VWA3B: variants seen among roughly 807,000 people sequenced by gnomAD.
VWA3B encodes the protein von Willebrand factor A domain containing 3B.
Under a neutral mutation model 158.3 loss-of-function variants are expected in VWA3B, and 138 were observed. The observed-to-expected ratio is 0.87, with a 90% confidence interval of 0.76 to 1.00. The LOEUF is 1.00. Ranked by LOEUF, VWA3B falls within the 50% of genes least tolerant of loss-of-function variation. The pLI is 0.00. For synonymous variants in VWA3B, 596 were observed against 587.3 expected (o/e 1.01, Z -0.21); for missense variants, 1,555 against 1,565.1 (o/e 0.99, Z 0.11).
At chr2:98,257,434 G>A (rs1367907969) in intron 21 of VWA3B, among the ~76,000 whole-genome samples, 1 of 152,038 alleles carries the variant, frequency 6.6e-6, no homozygotes, top group Non-Finnish European at 1.5e-5. Flanking sequence ...GGGTGCAGGT[G>A]TCCCTATGAT....
At chr2:98,255,163 G>A (rs1276228488) in intron 20 of VWA3B, among the ~76,000 whole-genome samples, 13 of 132,682 alleles carry the variant, frequency 9.8e-5, no homozygotes, top group Admixed American at 3.2e-4. Context: ...ACAGTCGCCC[G>A]CCACCACGCC....
intron 7 of VWA3B, among the ~76,000 whole-genome samples, chr2:98,137,479 A>G (rs1676375151): frequency 6.6e-6 from 1 of 152,238 alleles, no homozygotes. Flanking sequence ...AAAATCCATG[A>G]TGATGAAAAT....
rs142950410 is a variant in VWA3B, at chr2:98,287,331, A to G, written c.3046-3180A>G. Among the ~76,000 whole-genome samples the G allele has an allele frequency of 5.7e-3, 863 of 152,092 alleles. 4 individuals carry two copies. The highest frequency in any genetic ancestry group is 0.019 in the African/African-American group (769 of 41,470). ...TATCTTCTTTTCCGACCCTTTTACC[A>G]CTACATGTTTGCTTTTCAGAATCCT... On this transcript the variant is annotated intron_variant, in intron 22 of 27. Transcript: ENST00000477737.
chr2:98,187,300 G>A (rs1681155683), intron 9 of VWA3B, among the ~76,000 whole-genome samples: 1 of 152,176 alleles, frequency 6.6e-6, no homozygotes, highest in Non-Finnish European at 1.5e-5. Flanking sequence ...CATGAAGGCA[G>A]GGGTTTGGTC....
At chr2:98,221,956 C>A (rs1558692409) in intron 14 of VWA3B, among the ~76,000 whole-genome samples, 1 of 152,312 alleles carries the variant, frequency 6.6e-6, no homozygotes, top group East Asian at 1.9e-4. Flanking sequence ...AAGAAGCAAG[C>A]TGGGGAAAGG....
chr2:98,093,073 A>T lies in VWA3B; in HGVS notation c.-20A>T. On this transcript the variant is annotated 5_prime_UTR_variant, in exon 2 of 28. Transcript: ENST00000477737. ...ATTGCCCTTACAGGAGTTTGCTGTGACTTAGATCTTGATTCAGAGATGGAG... is the reference window on the plus strand; with the variant it reads ...ATTGCCCTTACAGGAGTTTGCTGTGTCTTAGATCTTGATTCAGAGATGGAG... The T allele has an allele frequency of 6.2e-7, 1 of 1,610,836 alleles. No individual in the cohort carries two copies. Among genetic ancestry groups the T allele is most frequent in the East Asian group, 2.2e-5 (1 of 44,816 alleles).
intron 7 of VWA3B, among the ~76,000 whole-genome samples, chr2:98,149,617 A>G (rs993390076): frequency 6.6e-6 from 1 of 152,156 alleles, no homozygotes; most frequent in Admixed American, 6.5e-5. Context: ...AGTACTTTCA[A>G]TTTTCCATCC....
At chr2:98,308,319 G>A (rs966928998) in intron 26 of VWA3B, among the ~76,000 whole-genome samples, 2 of 152,206 alleles carry the variant, frequency 1.3e-5, no homozygotes, top group East Asian at 3.9e-4. Flanking sequence ...TGTGTCCGAT[G>A]GAGGGAAATA....
chr2:98,208,581 A>T lies in VWA3B; in HGVS notation c.1738-3349A>T, dbSNP rs537090755. On this transcript the variant is annotated intron_variant, in intron 12 of 27. Coordinates refer to ENST00000477737, the MANE Select transcript of VWA3B (RefSeq NM_144992.5). ...TCCTTATACATATATGTAACTTATCACAGCCTATTGTGATGTAACTTATCA... is the reference window on the plus strand; with the variant it reads ...TCCTTATACATATATGTAACTTATCTCAGCCTATTGTGATGTAACTTATCA... Among the ~76,000 whole-genome samples the T allele has an allele frequency of 9.4e-3, 1,436 of 152,288 alleles. 10 individuals are homozygous for T. Among genetic ancestry groups the T allele is most frequent in the Non-Finnish European group, 0.016 (1,079 of 68,016 alleles).
chr2:98,289,854 T>C (rs1689382697), intron 22 of VWA3B, among the ~76,000 whole-genome samples: 1 of 152,224 alleles, frequency 6.6e-6, no homozygotes, highest in African/African-American at 2.4e-5. Flanking sequence ...TTCTTTATTT[T>C]CCTTTTCTTC....
chr2:98,192,850 G>T, intron 10 of VWA3B, 48 bp from the exon 11 acceptor site: 8 of 1,613,726 alleles, frequency 5.0e-6, no homozygotes, highest in Non-Finnish European at 6.8e-6. Flanking sequence ...AGATGCTCTT[G>T]TTGCCTGCAG....
At position 98,305,556 on chromosome 2, in the gene VWA3B, T is replaced by C. The variant is rs3731658; in HGVS notation, c.3521+1754T>C. On this transcript the variant is annotated intron_variant, in intron 26 of 27. Coordinates refer to ENST00000477737, the MANE Select transcript of VWA3B (RefSeq NM_144992.5). ...CAACCACCCCCTGGATATTTCCACC[T>C]GAGTGTACAGAATCTCAAAAATTCA... 4.5e-4 allele frequency among the ~76,000 whole-genome samples: 68 copies of C among 152,280 alleles called. 1 individual carries two copies. The East Asian group carries it at 0.013, about 29-fold the overall frequency.
At chr2:98,206,593 A>G (rs1309372522) in intron 12 of VWA3B, 7 of 463,422 alleles carry the variant, frequency 1.5e-5, no homozygotes, top group Non-Finnish European at 2.6e-5. Flanking sequence ...ACATCATTGG[A>G]GAGCCTATTG....
chr2:98,323,446 T>G, the VWA3B span, among the ~76,000 whole-genome samples: 1 of 152,014 alleles, frequency 6.6e-6, no homozygotes, highest in African/African-American at 2.4e-5. Flanking sequence ...ATGGAATAAT[T>G]TCAGGCATTT....
chr2:98,147,017 A>G (rs1316915736), intron 7 of VWA3B, among the ~76,000 whole-genome samples: 1 of 152,246 alleles, frequency 6.6e-6, no homozygotes, highest in Non-Finnish European at 1.5e-5. Context: ...TTGATAAAGT[A>G]TCATTTGAAT....
At chr2:98,263,258 TTTC>T (rs1324738908) in intron 21 of VWA3B, among the ~76,000 whole-genome samples, 2 of 151,962 alleles carry the variant, frequency 1.3e-5, no homozygotes, top group African/African-American at 4.8e-5. Flanking sequence ...CTCCTTTCTT[TTTC>T]TTGCCTAATT....
At chr2:98,211,141 T>C (rs1354565279) in intron 12 of VWA3B, among the ~76,000 whole-genome samples, 2 of 152,252 alleles carry the variant, frequency 1.3e-5, no homozygotes, top group Non-Finnish European at 2.9e-5. Flanking sequence ...TTGGTGATGC[T>C]GTGAGCCATC....
chr2:98,302,814 G>A (rs1334953428), intron 25 of VWA3B, among the ~76,000 whole-genome samples: 1 of 152,218 alleles, frequency 6.6e-6, no homozygotes, highest in African/African-American at 2.4e-5. Context: ...ACTGTGGCAT[G>A]AGGTAGTTCC....
At chr2:98,139,325 G>C (rs1343665788) in intron 7 of VWA3B, among the ~76,000 whole-genome samples, 1 of 152,186 alleles carries the variant, frequency 6.6e-6, no homozygotes, top group East Asian at 1.9e-4. Flanking sequence ...CCTCCCCGAC[G>C]AGCGCCACCC....
Sources: allele counts gnomAD v4.1 joint callset (sites outside exome capture counted in the v4.1 genomes callset), GRCh38; gene constraint gnomAD v4.1.1; transcripts MANE v1.5; gene names NCBI Gene and HGNC (gene_info 2026-07-23, HGNC 2026-07-21).